Variants in ROBO2 observed in about 807,000 individuals in gnomAD.
ROBO2 encodes roundabout homolog 2.
In ROBO2, 53 loss-of-function variants were observed where a neutral mutation model predicts 160.8. The ratio of observed to expected loss-of-function variants is 0.33; its 90% CI spans 0.26 to 0.41. ROBO2 has a LOEUF of 0.41. Among genes scored for constraint, ROBO2 ranks in the 10% least tolerant of loss-of-function variants. ROBO2 has a pLI of 1.00. For synonymous variants in ROBO2, 664 were observed against 611.7 expected (o/e 1.09, Z -1.26); for missense variants, 1,577 against 1,722.4 (o/e 0.92, Z 1.49).
At chr3:76,120,565 A>C (rs2108286552) in intron 2 of ROBO2, among the ~76,000 whole-genome samples, 1 of 152,304 alleles carries the variant, frequency 6.6e-6, no homozygotes, top group Non-Finnish European at 1.5e-5. Flanking sequence ...ACTTAGTTTA[A>C]TCAATGAATG....
chr3:76,935,685 A>G (rs1323286431), intron 2 of ROBO2, among the ~76,000 whole-genome samples: 3 of 152,178 alleles, frequency 2.0e-5, no homozygotes, highest in Non-Finnish European at 4.4e-5. Flanking sequence ...AGATTCACAG[A>G]TGGTGCCTTC....
At chr3:76,889,234 A>C in intron 2 of ROBO2, among the ~76,000 whole-genome samples, 1 of 152,208 alleles carries the variant, frequency 6.6e-6, no homozygotes, top group East Asian at 1.9e-4. Flanking sequence ...GTAGGCACAA[A>C]AGCTGATTTT....
chr3:76,807,029 C>T (rs1012491519), intron 2 of ROBO2, among the ~76,000 whole-genome samples: 1 of 151,858 alleles, frequency 6.6e-6, no homozygotes, highest in Non-Finnish European at 1.5e-5. Flanking sequence ...TTTCTCTACA[C>T]CAAAAGTTGG....
intron 2 of ROBO2, chr3:77,316,993 G>T (rs2064062832): frequency 6.6e-7 from 1 of 1,517,424 alleles, no homozygotes; most frequent in East Asian, 2.3e-5. Context: ...ATTGACAGCG[G>T]TCTCCAACTT....
chr3:76,623,727 C>T (rs2089405375), intron 2 of ROBO2, among the ~76,000 whole-genome samples: 1 of 152,216 alleles, frequency 6.6e-6, no homozygotes, highest in East Asian at 1.9e-4. Flanking sequence ...CATTGAGTAC[C>T]CACTAGGTGC....
intron 2 of ROBO2, among the ~76,000 whole-genome samples, chr3:76,562,407 C>A (rs912569601): frequency 3.3e-5 from 5 of 151,512 alleles, no homozygotes; most frequent in Admixed American, 2.6e-4. Context: ...GTCTTTCAAG[C>A]TTCCTACTGA....
At chr3:76,466,517 G>C (rs1430191028) in intron 2 of ROBO2, among the ~76,000 whole-genome samples, 1 of 151,916 alleles carries the variant, frequency 6.6e-6, no homozygotes, top group Non-Finnish European at 1.5e-5. Context: ...GTTTTAAAGA[G>C]GAGAAATAAT....
At chr3:77,551,091 G>A in intron 8 of ROBO2, 102 bp downstream of exon 9, 3 of 1,245,556 alleles carry the variant, frequency 2.4e-6, no homozygotes, top group South Asian at 2.5e-5. Flanking sequence ...TCATTTCTAT[G>A]TATGCTTATC....
chr3:76,487,911 ACTCT>A (rs1206050406), intron 2 of ROBO2, among the ~76,000 whole-genome samples: 2 of 151,966 alleles, frequency 1.3e-5, no homozygotes, highest in African/African-American at 4.8e-5. Flanking sequence ...AGCAAGAGAG[ACTCT>A]CTCTGAGTTT....
intron 2 of ROBO2, among the ~76,000 whole-genome samples, chr3:76,173,993 A>C (rs1479979882): frequency 6.6e-6 from 1 of 152,120 alleles, no homozygotes; most frequent in Admixed American, 6.6e-5. Flanking sequence ...GCGTGAAAGC[A>C]TTCCTATTTC....
intron 2 of ROBO2, among the ~76,000 whole-genome samples, chr3:77,252,318 G>C (rs2090436883): frequency 6.6e-6 from 1 of 151,980 alleles, no homozygotes; most frequent in Non-Finnish European, 1.5e-5. Flanking sequence ...AACCACTTAA[G>C]TAATCCCTTA....
intron 2 of ROBO2, among the ~76,000 whole-genome samples, chr3:76,541,696 C>G (rs752385869): frequency 7.9e-5 from 12 of 152,138 alleles, no homozygotes; most frequent in Middle Eastern, 3.2e-3. Flanking sequence ...GATTTCAGAC[C>G]TGGTGTAAGT....
At chr3:76,022,958 A>G (rs560277142) in intron 2 of ROBO2, among the ~76,000 whole-genome samples, 1 of 151,896 alleles carries the variant, frequency 6.6e-6, no homozygotes, top group African/African-American at 2.4e-5. Flanking sequence ...AGCCACCTTC[A>G]TCTATTATCT....
chr3:76,487,391 A>T (rs2079557380), intron 2 of ROBO2, among the ~76,000 whole-genome samples: 1 of 152,108 alleles, frequency 6.6e-6, no homozygotes, highest in Admixed American at 6.6e-5. Flanking sequence ...GTAAAAATGT[A>T]AAAAAATGGA....
At chr3:77,141,569 T>C (rs1251317724) in intron 2 of ROBO2, among the ~76,000 whole-genome samples, 1 of 152,214 alleles carries the variant, frequency 6.6e-6, no homozygotes, top group African/African-American at 2.4e-5. Flanking sequence ...GTAATGGCAC[T>C]TTGTGATGTG....
In ROBO2 at chr3:75,952,238, T is replaced by C. The variant is rs537748479; in HGVS notation, c.109+14636T>C. On this transcript the variant is annotated intron_variant, in intron 2 of 26. Transcript: ENST00000487694. ...TAAACCAAACTATGATTGATTTAAC[T>C]ATAAAATGGACTGATTCTAAAGAGC... Among the ~76,000 whole-genome samples the C allele has an allele frequency of 3.3e-5, 5 of 152,120 alleles. No individual in the cohort carries two copies. The South Asian group carries it at 1.0e-3, about 32-fold the overall frequency.
intron 24 of ROBO2, chr3:77,642,726 C>T (rs1212010037): frequency 2.2e-6 from 1 of 456,546 alleles, no homozygotes; most frequent in Non-Finnish European, 4.4e-6. Context: ...AGCAAATAGG[C>T]CCGAGCCAGC....
chr3:77,303,097 A>G (rs2062797759), intron 2 of ROBO2, among the ~76,000 whole-genome samples: 1 of 152,180 alleles, frequency 6.6e-6, no homozygotes. Flanking sequence ...ACCAAATGCA[A>G]AGATAGAACT....
At chr3:77,529,398 AGGTT>A (rs902765966) in intron 6 of ROBO2, among the ~76,000 whole-genome samples, 3 of 151,684 alleles carry the variant, frequency 2.0e-5, no homozygotes, top group Non-Finnish European at 4.4e-5. Context: ...TAAAAAATAC[AGGTT>A]GGTTTTGCAT....
Sources: gnomAD v4.1 joint callset for allele counts (sites outside exome capture counted in the v4.1 genomes callset) on GRCh38, gnomAD v4.1.1 for gene constraint, MANE v1.5 for transcripts, NCBI Gene and HGNC (gene_info 2026-07-23, HGNC 2026-07-21) for gene names.